TTLL9: variants seen among roughly 807,000 people sequenced by gnomAD.
The protein encoded by TTLL9 is tubulin tyrosine ligase like 9.
A neutral mutation model predicts 65.6 loss-of-function variants in TTLL9; 47 were observed. That is an observed-to-expected ratio of 0.72 (90% CI 0.57 to 0.91). The LOEUF (loss-of-function observed/expected upper bound fraction) is 0.91. TTLL9 is among the 40% of genes least tolerant of loss of function. The pLI, the probability that TTLL9 is intolerant of heterozygous loss-of-function variation, is 0.00. For synonymous variants in TTLL9, 179 were observed against 204.8 expected (o/e 0.87, Z 1.07); for missense variants, 537 against 568.8 (o/e 0.94, Z 0.57).
At chr20:31,886,794 G>A (rs2063194510) in intron 2 of TTLL9, among the ~76,000 whole-genome samples, 1 of 152,180 alleles carries the variant, frequency 6.6e-6, no homozygotes, top group Admixed American at 6.5e-5. Context: ...ACTCCAGCCT[G>A]GGTGACAGAG....
At chr20:31,886,364 G>A (rs2063187480) in intron 2 of TTLL9, among the ~76,000 whole-genome samples, 1 of 152,226 alleles carries the variant, frequency 6.6e-6, no homozygotes, top group Non-Finnish European at 1.5e-5. Context: ...CCAGGACAGA[G>A]GGCCAAGCTG....
chr20:31,932,673 T>C (rs959442863), intron 10 of TTLL9, among the ~76,000 whole-genome samples: 1 of 152,002 alleles, frequency 6.6e-6, no homozygotes, highest in Admixed American at 6.6e-5. Flanking sequence ...CCCAAGTAAG[T>C]CCTGGAGAAA....
At chr20:31,926,141 G>C (rs897308460) in intron 10 of TTLL9, 50 bp downstream of exon 10, 16 of 1,347,590 alleles carry the variant, frequency 1.2e-5, no homozygotes, top group Non-Finnish European at 1.6e-5. Context: ...AGTTTTGTGG[G>C]GGTGATTCCA....
At chr20:31,922,869 C>T in intron 7 of TTLL9, 94 bp from the exon 8 acceptor site, 1 of 974,186 alleles carries the variant, frequency 1.0e-6, no homozygotes, top group Non-Finnish European at 1.6e-6. Flanking sequence ...TTTAAAGATT[C>T]AGTGAGCTAC....
chr20:31,872,960 C>A (rs759909290), intron 2 of TTLL9: 2 of 513,298 alleles, frequency 3.9e-6, no homozygotes, highest in East Asian at 1.1e-4. Context: ...ACCTGGGAGG[C>A]CAGGTCATCT....
chr20:31,907,864 T>TA (rs2063582316), intron 4 of TTLL9, among the ~76,000 whole-genome samples: 2 of 152,156 alleles, frequency 1.3e-5, no homozygotes, highest in Admixed American at 1.3e-4. Flanking sequence ...CTTTTTTACT[T>TA]AAAAATAATT....
chr20:31,890,518 G>A (rs959948490), intron 3 of TTLL9, among the ~76,000 whole-genome samples: 2 of 152,162 alleles, frequency 1.3e-5, no homozygotes, highest in African/African-American at 4.8e-5. Flanking sequence ...CGAAGTATTG[G>A]TTCCACTAGA....
chr20:31,899,558 G>A (rs1340235204), intron 4 of TTLL9, among the ~76,000 whole-genome samples: 2 of 151,938 alleles, frequency 1.3e-5, no homozygotes, highest in East Asian at 1.9e-4. Context: ...TGCTTGAGCC[G>A]AAGAGGTCGA....
chr20:31,931,482 C>A (rs1227926713), intron 10 of TTLL9, among the ~76,000 whole-genome samples: 1 of 152,210 alleles, frequency 6.6e-6, no homozygotes, highest in Non-Finnish European at 1.5e-5. Flanking sequence ...CACCCTGTTG[C>A]CCAGGCAGGT....
intron 6 of TTLL9, among the ~76,000 whole-genome samples, chr20:31,911,546 C>T (rs748311635): frequency 1.7e-4 from 26 of 152,200 alleles, no homozygotes; most frequent in Admixed American, 5.9e-4. Flanking sequence ...CCAGGTTCTT[C>T]CCCTGGCCCA....
At chr20:31,908,834 G>A in intron 5 of TTLL9, 132 bp downstream of exon 5, 1 of 750,998 alleles carries the variant, frequency 1.3e-6, no homozygotes, top group East Asian at 2.7e-5. Context: ...GAAGTCTGCG[G>A]GCTAGACCTA....
chr20:31,939,799 G>A (rs1300657120), intron 14 of TTLL9: 1 of 152,350 alleles, frequency 6.6e-6, no homozygotes, highest in African/African-American at 2.4e-5. Flanking sequence ...ATGATATCCA[G>A]GTGCTATGTA....
chr20:31,903,963 C>G (rs187616656), intron 4 of TTLL9, among the ~76,000 whole-genome samples: 1 of 152,188 alleles, frequency 6.6e-6, no homozygotes, highest in Non-Finnish European at 1.5e-5. Flanking sequence ...CCTTTTTTAC[C>G]TCAAATATAT....
At chr20:31,872,513 CAAA>C (rs370298785) in intron 2 of TTLL9, among the ~76,000 whole-genome samples, 3 of 118,456 alleles carry the variant, frequency 2.5e-5, no homozygotes, top group Non-Finnish European at 3.7e-5. Flanking sequence ...CCTGCTTTTA[CAAA>C]AAAAAAAAAA....
chr20:31,882,621 A>AT (rs202106973), intron 2 of TTLL9, among the ~76,000 whole-genome samples: 3 of 152,100 alleles, frequency 2.0e-5, no homozygotes, highest in Admixed American at 2.0e-4. Context: ...CAATAAGATA[A>AT]TTTTTTAAAA....
At chr20:31,886,073 G>A (rs1172237675) in intron 2 of TTLL9, among the ~76,000 whole-genome samples, 2 of 152,154 alleles carry the variant, frequency 1.3e-5, no homozygotes, top group Non-Finnish European at 1.5e-5. Flanking sequence ...AGCTTGGAAG[G>A]GGACCCCACA....
rs2064239360 is a variant in TTLL9 at position 31,942,928 on chromosome 20, C to T, written c.1244-17C>T. On this transcript the variant is annotated splice_polypyrimidine_tract_variant and intron_variant, in intron 14 of 14. Coordinates refer to ENST00000535842, the MANE Select transcript of TTLL9 (RefSeq NM_001008409.5). ...CAAGCATAGGTCATCCCAGCCAACACCCCACTTCCTTTCCAGGCTGCGTCA... is the reference window on the plus strand; with the variant it reads ...CAAGCATAGGTCATCCCAGCCAACATCCCACTTCCTTTCCAGGCTGCGTCA... 1.9e-6 allele frequency: 3 copies of T among 1,613,812 alleles called. No homozygotes were observed. The African/African-American group carries it at 4.0e-5, about 22-fold the overall frequency.
intron 4 of TTLL9, among the ~76,000 whole-genome samples, chr20:31,902,819 C>T (rs186661697): frequency 7.7e-4 from 117 of 152,042 alleles, no homozygotes; most frequent in African/African-American, 2.6e-3. Context: ...ATGAGGGTGC[C>T]GATTTTTCCA....
intron 10 of TTLL9, among the ~76,000 whole-genome samples, chr20:31,927,180 C>T (rs1055853036): frequency 2.7e-5 from 4 of 150,816 alleles, no homozygotes; most frequent in Admixed American, 6.6e-5. Context: ...ACATAGACAA[C>T]TCTGGAAGAA....
Sources: allele counts gnomAD v4.1 joint callset (sites outside exome capture counted in the v4.1 genomes callset), GRCh38; gene constraint gnomAD v4.1.1; transcripts MANE v1.5; gene names NCBI Gene and HGNC (gene_info 2026-07-23, HGNC 2026-07-21).